Variants in LDB2 observed in about 807,000 individuals in gnomAD.
LDB2 encodes the protein LIM domain binding 2, also known as LIM domain-binding protein 2.
A neutral mutation model predicts 44.3 loss-of-function variants in LDB2; 12 were observed. The ratio of observed to expected loss-of-function variants is 0.27; its 90% CI spans 0.17 to 0.44. The LOEUF (loss-of-function observed/expected upper bound fraction) is 0.44, where lower values mean the gene tolerates loss of function less well. LDB2 is among the 20% of genes least tolerant of loss of function. LDB2 has a pLI of 1.00. For synonymous variants in LDB2, 164 were observed against 174.8 expected (o/e 0.94, Z 0.49); for missense variants, 344 against 473.5 (o/e 0.73, Z 2.54).
chr4:16,759,348 G>A, intron 1 of LDB2, 88 bp from the exon 2 acceptor site: 1 of 942,554 alleles, frequency 1.1e-6, no homozygotes, highest in South Asian at 1.4e-5. Context: ...GAAAAACTCA[G>A]CTGCTCCTTG....
intron 2 of LDB2, among the ~76,000 whole-genome samples, chr4:16,718,256 G>T (rs1270008800): frequency 6.6e-6 from 1 of 151,964 alleles, no homozygotes; most frequent in Non-Finnish European, 1.5e-5. Context: ...TAAAGGAATT[G>T]CCAGCCTAAA....
intron 5 of LDB2, among the ~76,000 whole-genome samples, chr4:16,550,551 A>G (rs946893637): frequency 6.6e-6 from 1 of 152,244 alleles, no homozygotes; most frequent in Non-Finnish European, 1.5e-5. Flanking sequence ...AGTAAACTAG[A>G]AGAAAAAGAG....
At chr4:16,875,644 G>A (rs1432078916) in intron 1 of LDB2, among the ~76,000 whole-genome samples, 1 of 152,170 alleles carries the variant, frequency 6.6e-6, no homozygotes, top group African/African-American at 2.4e-5. Context: ...GACTGAGCTG[G>A]AGGAGGCATG....
chr4:16,679,800 G>A (rs1201244231), intron 2 of LDB2, among the ~76,000 whole-genome samples: 1 of 152,200 alleles, frequency 6.6e-6, no homozygotes, highest in Non-Finnish European at 1.5e-5. Context: ...GCCTTCATCA[G>A]GAATGCCAGG....
chr4:16,597,673 AG>A (rs1721370354), intron 2 of LDB2, among the ~76,000 whole-genome samples: 1 of 152,202 alleles, frequency 6.6e-6, no homozygotes, highest in Admixed American at 6.5e-5. Context: ...CACATTAAAA[AG>A]GTTATGGCAA....
At chr4:16,779,222 C>A (rs1407923368) in intron 1 of LDB2, among the ~76,000 whole-genome samples, 2 of 152,204 alleles carry the variant, frequency 1.3e-5, no homozygotes, top group Non-Finnish European at 2.9e-5. Context: ...CACCGCTGCT[C>A]AGATGAGCAA....
intron 1 of LDB2, among the ~76,000 whole-genome samples, chr4:16,868,972 T>G (rs1715617546): frequency 1.3e-5 from 2 of 152,092 alleles, no homozygotes; most frequent in South Asian, 2.1e-4. Context: ...TAATGAAGAT[T>G]ATGATGAAGA....
intron 2 of LDB2, 86 bp downstream of exon 2, chr4:16,759,072 A>G: frequency 2.5e-6 from 2 of 804,268 alleles, no homozygotes; most frequent in South Asian, 3.2e-5. Context: ...TCAGGCTGTC[A>G]GCTCTGTGCT....
chr4:16,545,747 T>G (rs1382523475), intron 5 of LDB2, among the ~76,000 whole-genome samples: 1 of 152,178 alleles, frequency 6.6e-6, no homozygotes, highest in Non-Finnish European at 1.5e-5. Flanking sequence ...AAATAGCTAA[T>G]GAGAAGAAAA....
At chr4:16,613,460 A>C (rs1039529882) in intron 2 of LDB2, among the ~76,000 whole-genome samples, 20 of 152,200 alleles carry the variant, frequency 1.3e-4, no homozygotes, top group Admixed American at 7.2e-4. Context: ...TGCAAAATTC[A>C]GTCATCCAAC....
chr4:16,576,760 A>G (rs767165029), intron 5 of LDB2, among the ~76,000 whole-genome samples: 1 of 152,184 alleles, frequency 6.6e-6, no homozygotes, highest in Non-Finnish European at 1.5e-5. Context: ...TCCCAAAACC[A>G]GACAAAGACA....
intron 2 of LDB2, among the ~76,000 whole-genome samples, chr4:16,610,302 G>A (rs374003149): frequency 5.3e-5 from 8 of 152,156 alleles, no homozygotes; most frequent in East Asian, 1.9e-4. Flanking sequence ...AGAGTGCCTC[G>A]TCTCCTCCAA....
At chr4:16,846,129 A>AG (rs1450877551) in intron 1 of LDB2, among the ~76,000 whole-genome samples, 1 of 151,704 alleles carries the variant, frequency 6.6e-6, no homozygotes, top group Non-Finnish European at 1.5e-5. Context: ...AAAAAAAAAA[A>AG]AGTTAATAAG....
chr4:16,735,111 AG>A (rs1436369923), intron 2 of LDB2, among the ~76,000 whole-genome samples: 1 of 152,168 alleles, frequency 6.6e-6, no homozygotes, highest in Non-Finnish European at 1.5e-5. Context: ...TTTGACGCTG[AG>A]GGTAATGATG....
intron 1 of LDB2, among the ~76,000 whole-genome samples, chr4:16,774,336 G>A (rs1771427296): frequency 6.6e-6 from 1 of 152,018 alleles, no homozygotes; most frequent in Non-Finnish European, 1.5e-5. Context: ...TCTAGACTGA[G>A]ATATGCGTTT....
chr4:16,544,980 GGA>G (rs753380836), intron 5 of LDB2, among the ~76,000 whole-genome samples: 2 of 152,100 alleles, frequency 1.3e-5, no homozygotes, highest in Non-Finnish European at 2.9e-5. Flanking sequence ...GGCAAGAGAT[GGA>G]GAGAGAACAG....
intron 2 of LDB2, among the ~76,000 whole-genome samples, chr4:16,633,058 C>T (rs1732465337): frequency 1.3e-5 from 2 of 152,156 alleles, no homozygotes; most frequent in Non-Finnish European, 2.9e-5. Flanking sequence ...CAATGATAGA[C>T]TGGATTAAGA....
intron 2 of LDB2, among the ~76,000 whole-genome samples, chr4:16,756,325 C>A (rs1289067156): frequency 6.6e-6 from 1 of 152,194 alleles, no homozygotes; most frequent in Non-Finnish European, 1.5e-5. Context: ...TGGCGGACAC[C>A]TGCAATCCCT....
intron 1 of LDB2, among the ~76,000 whole-genome samples, chr4:16,876,795 A>G (rs776234502): frequency 4.6e-5 from 7 of 152,114 alleles, no homozygotes; most frequent in Non-Finnish European, 8.8e-5. Flanking sequence ...AGAAATAAGT[A>G]TTGCCATCGA....
Sources: gnomAD v4.1 joint callset for allele counts (sites outside exome capture counted in the v4.1 genomes callset) on GRCh38, gnomAD v4.1.1 for gene constraint, MANE v1.5 for transcripts, NCBI Gene and HGNC (gene_info 2026-07-23, HGNC 2026-07-21) for gene names.